The following SOX5 variants were observed in gnomAD, a reference collection of about 807,000 sequenced individuals.
SOX5 encodes the protein SRY-box transcription factor 5.
A neutral mutation model predicts 92.0 loss-of-function variants in SOX5; 9 were observed. The ratio of observed to expected loss-of-function variants is 0.10; its 90% confidence interval spans 0.06 to 0.17. SOX5 has a LOEUF of 0.17. SOX5 is among the 10% of genes least tolerant of loss of function. SOX5 has a pLI of 1.00. For missense variants in SOX5, 642 were observed against 944.5 expected, an observed-to-expected ratio of 0.68 and a Z score of 4.20; for synonymous variants, 344 against 336.3, an observed-to-expected ratio of 1.02 and a Z score of -0.25.
intron 8 of SOX5, among the ~76,000 whole-genome samples, chr12:23,622,164 A>G (rs1412979858): frequency 6.6e-6 from 1 of 152,138 alleles, no homozygotes; most frequent in Non-Finnish European, 1.5e-5. Context: ...TGGAACAGGA[A>G]GAAATACATT....
chr12:23,876,841 G>T (rs955928080), intron 2 of SOX5, among the ~76,000 whole-genome samples: 6 of 152,166 alleles, frequency 3.9e-5, no homozygotes, highest in Non-Finnish European at 8.8e-5. Flanking sequence ...CACGTCCTTT[G>T]CAGGGAAATG....
chr12:24,264,069 T>G (rs1942657254), intron 3 of SOX5, among the ~76,000 whole-genome samples: 1 of 152,158 alleles, frequency 6.6e-6, no homozygotes, highest in South Asian at 2.1e-4. Flanking sequence ...TGACATGACT[T>G]TTTTCTTTTT....
intron 1 of SOX5, among the ~76,000 whole-genome samples, chr12:23,932,169 A>G (rs1270060998): frequency 6.6e-6 from 1 of 151,638 alleles, no homozygotes; most frequent in Non-Finnish European, 1.5e-5. Flanking sequence ...ATGATGGTCC[A>G]ATACCTGTCT....
At chr12:23,723,604 TCACA>T (rs1225711814) in intron 6 of SOX5, among the ~76,000 whole-genome samples, 1 of 139,740 alleles carries the variant, frequency 7.2e-6, no homozygotes, top group African/African-American at 2.6e-5. Flanking sequence ...ACACACGCAC[TCACA>T]CACACACAAA....
intron 10 of SOX5, among the ~76,000 whole-genome samples, chr12:23,570,942 T>A (rs1488414374): frequency 0.032 from 219 of 6,760 alleles, 9 homozygotes; most frequent in Middle Eastern, 0.12. Flanking sequence ...TATATATATA[T>A]ATATATATAT....
At chr12:24,242,507 G>C (rs1164597380) in intron 3 of SOX5, among the ~76,000 whole-genome samples, 1 of 152,106 alleles carries the variant, frequency 6.6e-6, no homozygotes, top group African/African-American at 2.4e-5. Context: ...TAATATAAAA[G>C]ATTCATTTTC....
chr12:24,086,457 T>C (rs1427693941), intron 4 of SOX5, among the ~76,000 whole-genome samples: 1 of 151,824 alleles, frequency 6.6e-6, no homozygotes, highest in African/African-American at 2.4e-5. Context: ...TCATGTAAAA[T>C]TCTATATAGA....
intron 2 of SOX5, among the ~76,000 whole-genome samples, chr12:24,346,297 TTGAATAGCAGGGA>T (rs1953235695): frequency 6.6e-6 from 1 of 152,198 alleles, no homozygotes; most frequent in Non-Finnish European, 1.5e-5. Context: ...AAGCTGAACC[TTGAATAGCAGGGA>T]AAAATATTTC....
At chr12:23,643,454 T>C (rs1173648998) in intron 7 of SOX5, among the ~76,000 whole-genome samples, 2 of 152,192 alleles carry the variant, frequency 1.3e-5, no homozygotes, top group African/African-American at 4.8e-5. Flanking sequence ...CATGTTAAAA[T>C]TTTAGGGGAA....
chr12:24,425,290 G>T (rs533741061), intron 1 of SOX5, among the ~76,000 whole-genome samples: 2 of 152,248 alleles, frequency 1.3e-5, no homozygotes, highest in Admixed American at 6.5e-5. Context: ...CTGTAGAAAA[G>T]GACCCTATGC....
rs1218481751 is a variant in SOX5, at chr12:23,645,050, T to C, written c.932-4153A>G. On this transcript the variant is annotated intron_variant, in intron 7 of 14. Transcript: ENST00000451604. ...ACATTTATCATGAACAGAATTCTGC[T>C]AGCTGCTCTGTGAGACAAAACAAAA... Among the ~76,000 whole-genome samples, 5 of 152,222 alleles carry C rather than the reference T, an allele frequency of 3.3e-5. No individual in the cohort carries two copies. The East Asian group carries it at 9.6e-4, about 29-fold the overall frequency.
chr12:23,584,806 AG>A (rs1184789883), intron 9 of SOX5, among the ~76,000 whole-genome samples: 2 of 152,082 alleles, frequency 1.3e-5, no homozygotes, highest in Non-Finnish European at 2.9e-5. Context: ...AGAAAAGGCT[AG>A]GGAAGCCTAA....
intron 1 of SOX5, among the ~76,000 whole-genome samples, chr12:24,411,407 C>T (rs1292965350): frequency 1.3e-5 from 2 of 152,114 alleles, no homozygotes; most frequent in Non-Finnish European, 2.9e-5. Flanking sequence ...TAAGAGGAAA[C>T]ACTCATGTCT....
At chr12:24,309,283 G>C (rs2140768810) in intron 2 of SOX5, among the ~76,000 whole-genome samples, 1 of 152,216 alleles carries the variant, frequency 6.6e-6, no homozygotes, top group African/African-American at 2.4e-5. Flanking sequence ...CTATTGTTTT[G>C]TTAATTGTCA....
At chr12:24,048,903 C>T (rs1957289330) in intron 4 of SOX5, among the ~76,000 whole-genome samples, 1 of 152,046 alleles carries the variant, frequency 6.6e-6, no homozygotes. Flanking sequence ...CATGGGATTT[C>T]TTTTTGTGGT....
At chr12:23,960,744 C>T (rs982091067) in intron 4 of SOX5, among the ~76,000 whole-genome samples, 4 of 151,428 alleles carry the variant, frequency 2.6e-5, no homozygotes, top group East Asian at 3.9e-4. Flanking sequence ...AACACCAATT[C>T]ATATAGTACA....
At chr12:23,960,914 T>C (rs1330519587) in intron 4 of SOX5, among the ~76,000 whole-genome samples, 1 of 152,116 alleles carries the variant, frequency 6.6e-6, no homozygotes, top group African/African-American at 2.4e-5. Flanking sequence ...TTAAAACTTT[T>C]CACTGCATAT....
intron 4 of SOX5, among the ~76,000 whole-genome samples, chr12:24,203,647 C>G (rs893933384): frequency 6.6e-6 from 1 of 152,154 alleles, no homozygotes. Flanking sequence ...TCCTAGGAGA[C>G]ATTTGAATCA....
At chr12:23,679,998 G>C (rs1228030062) in intron 6 of SOX5, among the ~76,000 whole-genome samples, 1 of 151,864 alleles carries the variant, frequency 6.6e-6, no homozygotes, top group Non-Finnish European at 1.5e-5. Context: ...AGGAAGATTT[G>C]AAAAATAATT....
Sources: allele counts gnomAD v4.1 joint callset (sites outside exome capture counted in the v4.1 genomes callset), GRCh38; gene constraint gnomAD v4.1.1; transcripts MANE v1.5; gene names NCBI Gene and HGNC (gene_info 2026-07-23, HGNC 2026-07-21).